Variants in WDR44 observed in about 807,000 individuals in gnomAD.
WDR44 encodes WD repeat domain 44, also known as WD repeat-containing protein 44.
Under a neutral mutation model 65.7 loss-of-function variants are expected in WDR44, and 9 were observed. That is an observed-to-expected ratio of 0.14 (90% CI 0.08 to 0.24). The LOEUF is 0.24. WDR44 is among the 10% of genes least tolerant of loss of function. WDR44 has a pLI of 1.00. For synonymous variants in WDR44, 220 were observed against 235.2 expected, an observed-to-expected ratio of 0.94 and a Z score of 0.59; for missense variants, 425 against 670.9, an observed-to-expected ratio of 0.63 and a Z score of 4.05.
intron 1 of WDR44, among the ~76,000 whole-genome samples, chrX:118,350,606 T>C (rs1264590763): frequency 8.9e-6 from 1 of 111,740 alleles, no homozygotes; most frequent in African/African-American, 3.3e-5. Context: ...ATTTGGTACA[T>C]AGTTCAAGAC....
chrX:118,389,978 C>A (rs959985758), intron 3 of WDR44, among the ~76,000 whole-genome samples: 56 of 109,797 alleles, frequency 5.1e-4, no homozygotes, highest in African/African-American at 1.7e-3. Flanking sequence ...ACTGCAACCT[C>A]CACCTCCTGG....
At chrX:118,407,298 C>T (rs777548707) in intron 10 of WDR44, among the ~76,000 whole-genome samples, 61 of 111,045 alleles carry the variant, frequency 5.5e-4, no homozygotes, top group Non-Finnish European at 8.5e-4. Flanking sequence ...GTCAGGAGTT[C>T]GAGACCAGCC....
intron 12 of WDR44, among the ~76,000 whole-genome samples, chrX:118,414,554 T>G (rs943901317): frequency 3.6e-5 from 4 of 111,918 alleles, no homozygotes; most frequent in Non-Finnish European, 5.6e-5. Flanking sequence ...CCATGATTTC[T>G]TTCAGCAGCG....
chrX:118,377,554 A>G (rs1452370618), intron 1 of WDR44, among the ~76,000 whole-genome samples: 13 of 110,801 alleles, frequency 1.2e-4, no homozygotes, highest in African/African-American at 6.6e-5. Flanking sequence ...TGGTGAGGGT[A>G]TTAAGAAACA....
At chrX:118,356,047 ATAT>A (rs937222319) in intron 1 of WDR44, among the ~76,000 whole-genome samples, 4 of 112,332 alleles carry the variant, frequency 3.6e-5, no homozygotes, top group African/African-American at 1.3e-4. Flanking sequence ...TAAGAAAGAA[ATAT>A]TATAGTGCTA....
intron 1 of WDR44, among the ~76,000 whole-genome samples, chrX:118,361,109 C>A (rs1429161269): frequency 1.8e-5 from 2 of 111,603 alleles, no homozygotes; most frequent in Non-Finnish European, 1.9e-5. Context: ...CTGGTATATT[C>A]TTTTCCTTGA....
intron 1 of WDR44, among the ~76,000 whole-genome samples, chrX:118,360,010 C>T (rs1379086389): frequency 8.9e-6 from 1 of 111,821 alleles, no homozygotes; most frequent in Non-Finnish European, 1.9e-5. Flanking sequence ...TTTATGATTG[C>T]CTAGCACTTA....
intron 8 of WDR44, among the ~76,000 whole-genome samples, chrX:118,402,333 G>T (rs1190196504): frequency 2.8e-5 from 3 of 106,069 alleles, no homozygotes; most frequent in Non-Finnish European, 5.8e-5. Context: ...TACTCGGGAG[G>T]CTGAAGCAGG....
Position 118,370,615 on chromosome X carries a change from C to T in WDR44, c.78-7804C>T, listed in dbSNP as rs189127872. Among the ~76,000 whole-genome samples the T allele has an allele frequency of 3.5e-4, 38 of 109,165 alleles. No individual in the cohort carries two copies. The East Asian group carries it at 5.4e-3, about 16-fold the overall frequency. The allele number at this position is 109,165 out of a possible 115,157, so 94.8% of individuals were successfully genotyped here. A position where few individuals can be genotyped will look rare whatever the true frequency, so the allele number is the denominator to read the frequency against. On this transcript the variant is annotated intron_variant, in intron 1 of 19. Transcript: ENST00000254029. ...TCTTTTTTTTTTTTAGACAGAGTCTCGCTCTGTCGCCAGGCTGGAGTGCAG... is the reference window on the plus strand; with the variant it reads ...TCTTTTTTTTTTTTAGACAGAGTCTTGCTCTGTCGCCAGGCTGGAGTGCAG...
chrX:118,405,390 A>G lies in WDR44; in HGVS notation c.1381+946A>G, dbSNP rs769512130. 2.8e-5 allele frequency among the ~76,000 whole-genome samples: 3 copies of G among 105,924 alleles called. No homozygotes were observed. In the South Asian group the frequency reaches 1.3e-3, roughly 44 times the overall value. 92.0% of individuals were successfully genotyped at this position (105,924 alleles called of 115,157 possible). A position where few individuals can be genotyped will look rare whatever the true frequency, so the allele number is the denominator to read the frequency against. ...AGTCTCGCTCTGTCACCCAGGCTGG[A>G]GTACAGTGGCACGATCTCGGCTCAC... On this transcript the variant is annotated intron_variant, in intron 9 of 19. Coordinates refer to ENST00000254029, the MANE Select transcript of WDR44 (RefSeq NM_019045.5).
chrX:118,395,630 A>G (rs1053513978), intron 6 of WDR44, among the ~76,000 whole-genome samples: 1 of 112,191 alleles, frequency 8.9e-6, no homozygotes, highest in Non-Finnish European at 1.9e-5. Context: ...TGCTGGATGT[A>G]GCATCTCTGA....
chrX:118,409,193 G>A lies in WDR44; in HGVS notation c.1534-296G>A, dbSNP rs758320593. The stretch of plus-strand genomic sequence containing the variant: ...TGCCCAGGCTGGAGTGCAATGGCGC[G>A]GTCTTGACTCACTGCACCCTTCACC... On this transcript the variant is annotated intron_variant, in intron 10 of 19. Transcript: ENST00000254029. Among the ~76,000 whole-genome samples, 16 of 110,867 alleles carry A rather than the reference G, an allele frequency of 1.4e-4. No homozygotes were observed. In the East Asian group the frequency reaches 3.1e-3, roughly 22 times the overall value.
intron 2 of WDR44, among the ~76,000 whole-genome samples, chrX:118,383,365 A>G (rs2056735824): frequency 9.0e-6 from 1 of 111,604 alleles, no homozygotes; most frequent in Admixed American, 9.6e-5. Flanking sequence ...TGTTATCCCA[A>G]CACTTTGGGA....
intron 12 of WDR44, among the ~76,000 whole-genome samples, chrX:118,422,566 C>T (rs1381220703): frequency 9.1e-6 from 1 of 110,095 alleles, no homozygotes; most frequent in African/African-American, 3.3e-5. Context: ...GTGGCATGTG[C>T]CTATAATCCC....
chrX:118,355,479 T>C (rs955544653), intron 1 of WDR44, among the ~76,000 whole-genome samples: 1 of 112,173 alleles, frequency 8.9e-6, no homozygotes, highest in Admixed American at 9.5e-5. Context: ...ATAAAACTAG[T>C]AGCTTTGTGA....
intron 1 of WDR44, among the ~76,000 whole-genome samples, chrX:118,352,352 A>ATTTTTTTTT (rs556374639): frequency 2.1e-4 from 3 of 14,224 alleles, no homozygotes; most frequent in African/African-American, 1.1e-3. Flanking sequence ...ATATATATAT[A>ATTTTTTTTT]TTTTTTTTTT....
chrX:118,436,109 T>A (rs1175535600), intron 13 of WDR44, among the ~76,000 whole-genome samples: 1 of 112,273 alleles, frequency 8.9e-6, no homozygotes, highest in Non-Finnish European at 1.9e-5. Flanking sequence ...TCACGGTGCC[T>A]AAGTCAGTTA....
At chrX:118,414,257 CTTTT>C (rs565805780) in intron 12 of WDR44, among the ~76,000 whole-genome samples, 84 of 46,698 alleles carry the variant, frequency 1.8e-3, no homozygotes, top group South Asian at 2.1e-3. Context: ...CTTGCGATTG[CTTTT>C]TTTTTTTTTT....
chrX:118,415,513 AC>A (rs2057050014), intron 12 of WDR44, among the ~76,000 whole-genome samples: 1 of 111,150 alleles, frequency 9.0e-6, no homozygotes, highest in Non-Finnish European at 1.9e-5. Flanking sequence ...CTGGTCCTGG[AC>A]TTTTTTTGAG....
Sources: allele counts gnomAD v4.1 joint callset (sites outside exome capture counted in the v4.1 genomes callset), GRCh38; gene constraint gnomAD v4.1.1; transcripts MANE v1.5; gene names NCBI Gene and HGNC (gene_info 2026-07-23, HGNC 2026-07-21).